The following AFAP1 variants were observed in gnomAD, a reference collection of about 807,000 sequenced individuals.
AFAP1 encodes actin filament-associated protein 1.
Under a neutral mutation model 93.9 loss-of-function variants are expected in AFAP1, and 75 were observed. The observed-to-expected ratio is 0.80, with a 90% CI of 0.66 to 0.97. The LOEUF is 0.97. Ranked by LOEUF, AFAP1 falls within the 50% of genes least tolerant of loss-of-function variation. The pLI is 0.00. For synonymous variants in AFAP1, 517 were observed against 430.7 expected (o/e 1.20, Z -2.48); for missense variants, 1,201 against 1,050.8 (o/e 1.14, Z -1.98).
chr4:7,865,819 A>T (rs1463417285), intron 3 of AFAP1, among the ~76,000 whole-genome samples: 1 of 152,224 alleles, frequency 6.6e-6, no homozygotes, highest in Non-Finnish European at 1.5e-5. Flanking sequence ...ACTAGAGAAG[A>T]GTCCATGACA....
chr4:7,906,354 A>G (rs1719401357), intron 1 of AFAP1, among the ~76,000 whole-genome samples: 1 of 152,226 alleles, frequency 6.6e-6, no homozygotes, highest in Non-Finnish European at 1.5e-5. Context: ...GGATTTTAAA[A>G]TTCTCTGTGA....
At chr4:7,909,582 G>T (rs951153411) in intron 1 of AFAP1, among the ~76,000 whole-genome samples, 1 of 152,200 alleles carries the variant, frequency 6.6e-6, no homozygotes, top group Non-Finnish European at 1.5e-5. Context: ...GTAGTAACAG[G>T]ATGTGGCATT....
At chr4:7,818,398 G>A (rs375583810) in intron 7 of AFAP1, among the ~76,000 whole-genome samples, 4 of 152,202 alleles carry the variant, frequency 2.6e-5, no homozygotes, top group African/African-American at 9.6e-5. Context: ...ATGAGGACAG[G>A]CAAAAAGGGA....
At chr4:7,803,855 AT>A (rs1719264244) in intron 9 of AFAP1, among the ~76,000 whole-genome samples, 1 of 151,970 alleles carries the variant, frequency 6.6e-6, no homozygotes, top group South Asian at 2.1e-4. Context: ...AATACCCCCA[AT>A]TTTCCCCCCA....
intron 1 of AFAP1, among the ~76,000 whole-genome samples, chr4:7,920,150 T>C (rs939814270): frequency 9.9e-5 from 15 of 152,236 alleles, no homozygotes; most frequent in Non-Finnish European, 2.1e-4. Context: ...CCTTTGGATA[T>C]ATACCCGGTA....
intron 1 of AFAP1, among the ~76,000 whole-genome samples, chr4:7,891,576 G>T (rs2149207305): frequency 6.6e-6 from 1 of 152,034 alleles, no homozygotes; most frequent in South Asian, 2.1e-4. Flanking sequence ...TTTTCATAAG[G>T]AAGACAGCAG....
At chr4:7,854,521 C>T (rs1435863624) in intron 4 of AFAP1, among the ~76,000 whole-genome samples, 1 of 152,168 alleles carries the variant, frequency 6.6e-6, no homozygotes, top group Non-Finnish European at 1.5e-5. Context: ...AATAGCCGCG[C>T]TCGTAGACTG....
intron 1 of AFAP1, among the ~76,000 whole-genome samples, chr4:7,876,713 T>C (rs1319638061): frequency 1.3e-5 from 2 of 152,160 alleles, no homozygotes; most frequent in Non-Finnish European, 2.9e-5. Context: ...CAAGAAATAT[T>C]TGTATCATTC....
At chr4:7,920,324 T>A (rs1720373197) in intron 1 of AFAP1, among the ~76,000 whole-genome samples, 1 of 152,218 alleles carries the variant, frequency 6.6e-6, no homozygotes. Flanking sequence ...TATATTTATA[T>A]ACACACACAA....
At chr4:7,818,962 T>G in intron 7 of AFAP1, 114 bp downstream of exon 7, 1 of 1,013,002 alleles carries the variant, frequency 9.9e-7, no homozygotes. Flanking sequence ...CGACTGCACT[T>G]TTTCTTTTTT....
In AFAP1 at chr4:7,800,422, G is replaced by GC; in HGVS notation, c.1266+19dup. The GC allele has an allele frequency of 6.2e-7, 1 of 1,612,342 alleles. No homozygotes were observed. Among genetic ancestry groups the GC allele is most frequent in the Non-Finnish European group, 8.5e-7 (1 of 1,178,822 alleles). ...CGCGTGTGTCCCTCTGTGGAGTACA[G>GC]CCCCTGGGAAATATCCTACCTCCAA... On this transcript the variant is annotated intron_variant, in intron 10 of 17. Transcript: ENST00000420658.
At chr4:7,806,961 C>G (rs1013871601) in intron 9 of AFAP1, among the ~76,000 whole-genome samples, 8 of 152,120 alleles carry the variant, frequency 5.3e-5, no homozygotes, top group Non-Finnish European at 1.0e-4. Flanking sequence ...GTGTTCAGAT[C>G]TTTCGGGGGA....
chr4:7,834,767 C>A (rs28575363), intron 6 of AFAP1, among the ~76,000 whole-genome samples: 124 of 152,184 alleles, frequency 8.1e-4, no homozygotes, highest in Middle Eastern at 3.4e-3. Flanking sequence ...AGAGGGGGTC[C>A]CTGGCAAAAT....
rs748005244 is a variant in AFAP1 at position 7,914,058 on chromosome 4, C to CTT, written c.-3+25596_-3+25597dup. Among the ~76,000 whole-genome samples the CTT allele has an allele frequency of 5.9e-3, 858 of 144,812 alleles. 7 individuals carry two copies. Among genetic ancestry groups the CTT allele is most frequent in the African/African-American group, 0.019 (743 of 39,634 alleles). ...CTTCAAGTATCTGGAACTATATATT[C>CTT]TTTTTTTTTTTTTTGAGACAAAGTC... On this transcript the variant is annotated intron_variant, in intron 1 of 17. Coordinates refer to ENST00000420658, the MANE Select transcript of AFAP1 (RefSeq NM_001134647.2).
intron 9 of AFAP1, among the ~76,000 whole-genome samples, chr4:7,808,497 TAGCTGCTCAAAGATG>T (rs1719728333): frequency 9.7e-5 from 1 of 10,326 alleles, no homozygotes; most frequent in Non-Finnish European, 1.5e-4. Context: ...CACCAAAAGG[TAGCTGCTCAAAGATG>T]ACCAAAAGGT....
chr4:7,849,409 G>A (rs1714180410), intron 4 of AFAP1, among the ~76,000 whole-genome samples: 1 of 152,144 alleles, frequency 6.6e-6, no homozygotes, highest in Admixed American at 6.5e-5. Context: ...GGAAAGGAGT[G>A]GAAAAAGCAC....
chr4:7,768,806 C>T lies in AFAP1; in HGVS notation c.2418+38G>A, dbSNP rs376932810. On this transcript the variant is annotated intron_variant, in intron 17 of 17. Coordinates refer to ENST00000420658, the MANE Select transcript of AFAP1 (RefSeq NM_001134647.2). The stretch of plus-strand genomic sequence containing the variant: ...GAATGCTGGGAGCTTAAAGTGCCTG[C>T]CCAGGACACCCAGACACCCCCGGAC... 18 of 1,526,826 alleles carry T rather than the reference C, an allele frequency of 1.2e-5. No homozygotes were observed. In the East Asian group the frequency reaches 1.2e-4, roughly 10 times the overall value. 94.6% of individuals were successfully genotyped at this position (1,526,826 alleles called of 1,614,324 possible). A position where few individuals can be genotyped will look rare whatever the true frequency, so the allele number is the denominator to read the frequency against.
In AFAP1 at chr4:7,879,699, C is replaced by CTTTTTT. The variant is rs552211338; in HGVS notation, c.-2-7625_-2-7620dup. ...CTAATTAATTATCTCTGCTTGCTTG[C>CTTTTTT]TTTTTTTTTTTTTTTTTTGTGAGAC... On this transcript the variant is annotated intron_variant, in intron 1 of 17. Transcript: ENST00000420658. 5.1e-4 allele frequency among the ~76,000 whole-genome samples: 62 copies of CTTTTTT among 121,700 alleles called. 3 individuals carry two copies. Among genetic ancestry groups the CTTTTTT allele is most frequent in the Non-Finnish European group, 6.8e-4 (41 of 60,378 alleles). 79.8% of individuals were successfully genotyped at this position (121,700 alleles called of 152,430 possible). A position where few individuals can be genotyped will look rare whatever the true frequency, so the allele number is the denominator to read the frequency against.
chr4:7,887,113 G>A (rs1194148376), intron 1 of AFAP1, among the ~76,000 whole-genome samples: 2 of 152,166 alleles, frequency 1.3e-5, no homozygotes, highest in Non-Finnish European at 2.9e-5. Flanking sequence ...CCCTTCCAGA[G>A]GCAGCTTTAA....
Sources: gnomAD v4.1 joint callset for allele counts (sites outside exome capture counted in the v4.1 genomes callset) on GRCh38, gnomAD v4.1.1 for gene constraint, MANE v1.5 for transcripts, NCBI Gene and HGNC (gene_info 2026-07-23, HGNC 2026-07-21) for gene names.